The following LIMA1 variants were observed in gnomAD, a reference collection of about 807,000 sequenced individuals.
The protein encoded by LIMA1 is LIM domain and actin binding 1, also known as LIM domain and actin-binding protein 1.
LIMA1 carries 52 observed loss-of-function variants against 62.6 expected under a neutral mutation model. The ratio of observed to expected loss-of-function variants is 0.83; its 90% CI spans 0.67 to 1.05. The LOEUF is 1.05. Ranked by LOEUF, LIMA1 falls within the 50% of genes least tolerant of loss-of-function variation. The pLI, the probability that LIMA1 is intolerant of heterozygous loss-of-function variation, is 0.00. For missense variants in LIMA1, 780 were observed against 902.2 expected (o/e 0.86, Z 1.74); for synonymous variants, 302 against 317.8 (o/e 0.95, Z 0.53).
intron 1 of LIMA1, among the ~76,000 whole-genome samples, chr12:50,268,015 T>A (rs539173527): frequency 2.6e-4 from 40 of 152,332 alleles, no homozygotes; most frequent in African/African-American, 3.4e-4. Context: ...TACTTTTTTT[T>A]AAATTATACA....
chr12:50,214,713 G>A (rs1941314975), intron 4 of LIMA1, among the ~76,000 whole-genome samples: 1 of 152,236 alleles, frequency 6.6e-6, no homozygotes, highest in Non-Finnish European at 1.5e-5. Flanking sequence ...GGCTGAGGGA[G>A]GAGAATCACT....
In LIMA1 at chr12:50,204,588, T is replaced by G. The variant is rs1341412828; in HGVS notation, c.828A>C (p.Ala276=). The part of the protein sequence containing the change: ...SIKDRMAKYQ[A]AVSKQSSSTN... The stretch of plus-strand genomic sequence containing the variant: ...TTGAGCTGCTTTGTTTGGACACAGC[T>G]GCCTGGTACTTGGCCATTCGATCCT... The change falls in exon 6 of 11, where the codon GCA becomes GCC. Residue 276 remains alanine (A), a synonymous_variant. Coordinates refer to ENST00000341247, the MANE Select transcript of LIMA1 (RefSeq NM_016357.5). The G allele has an allele frequency of 1.2e-6, 2 of 1,614,216 alleles. No homozygotes were observed. Among genetic ancestry groups the G allele is most frequent in the South Asian group, 2.2e-5 (2 of 91,082 alleles).
At chr12:50,221,022 G>C (rs1306861310) in intron 4 of LIMA1, among the ~76,000 whole-genome samples, 1 of 152,150 alleles carries the variant, frequency 6.6e-6, no homozygotes, top group Non-Finnish European at 1.5e-5. Flanking sequence ...GGAAGGGATT[G>C]ACAATATCAC....
intron 1 of LIMA1, among the ~76,000 whole-genome samples, chr12:50,263,903 G>GTATATATATATATATATAAAGTATGTA (rs57637973): frequency 7.3e-6 from 1 of 137,094 alleles, no homozygotes; most frequent in Non-Finnish European, 1.5e-5. Context: ...TATAAAGTAT[G>GTATATATATATATATATAAAGTATGTA]TATATATATA....
intron 4 of LIMA1, among the ~76,000 whole-genome samples, chr12:50,213,737 A>C (rs1941296842): frequency 6.6e-6 from 1 of 152,228 alleles, no homozygotes; most frequent in Non-Finnish European, 1.5e-5. Flanking sequence ...CAAAGGTAGT[A>C]ATATTTGTAC....
intron 7 of LIMA1, among the ~76,000 whole-genome samples, chr12:50,200,262 G>A (rs1172691835): frequency 6.6e-6 from 1 of 151,350 alleles, no homozygotes; most frequent in African/African-American, 2.4e-5. Flanking sequence ...AGGCTGGAGT[G>A]CAGTGCACTC....
intron 5 of LIMA1, 83 bp downstream of exon 5, chr12:50,205,901 A>T: frequency 1.1e-6 from 1 of 931,866 alleles, no homozygotes; most frequent in Non-Finnish European, 1.6e-6. Context: ...CTTCCTTTAA[A>T]AGCATTGGCT....
intron 8 of LIMA1, among the ~76,000 whole-genome samples, chr12:50,193,437 A>G (rs935840698): frequency 1.4e-5 from 2 of 145,934 alleles, no homozygotes; most frequent in East Asian, 4.0e-4. Flanking sequence ...CCACATATAT[A>G]TGTTTTTCTT....
chr12:50,210,268 C>CA (rs1190350005), intron 4 of LIMA1, among the ~76,000 whole-genome samples: 7 of 151,682 alleles, frequency 4.6e-5, no homozygotes, highest in Admixed American at 2.0e-4. Flanking sequence ...ACTAAAAATA[C>CA]AAAAATTAGC....
chr12:50,230,329 C>T (rs1478923087), intron 3 of LIMA1, among the ~76,000 whole-genome samples: 1 of 152,188 alleles, frequency 6.6e-6, no homozygotes, highest in Non-Finnish European at 1.5e-5. Context: ...AGCCACCGCG[C>T]CCAGCCATAC....
At position 50,204,683 on chromosome 12, in the gene LIMA1, T is replaced by C. The variant is rs754523997; in HGVS notation, c.733A>G (p.Thr245Ala). The part of the protein sequence containing the change: ...EIGPGQLSSS[T>A]FDSEKNESRR... ...CTCTCATTTTTCTCCGAGTCAAATG[T>C]AGAAGATGACAACTGACCTGGAAGC... The change falls in exon 6 of 11, where the codon ACA (threonine) becomes GCA (alanine). Residue 245 changes from threonine (T) to alanine (A), a missense_variant. Physicochemically the swap from Thr to Ala is moderately conservative, Grantham distance 58 (BLOSUM62 0). Transcript: ENST00000341247. 41 of 1,614,058 alleles carry C rather than the reference T, an allele frequency of 2.5e-5. No individual in the cohort carries two copies. The South Asian group carries it at 4.4e-4, about 17-fold the overall frequency.
intron 7 of LIMA1, among the ~76,000 whole-genome samples, chr12:50,196,221 C>G (rs1940927468): frequency 1.3e-5 from 2 of 152,152 alleles, no homozygotes. Flanking sequence ...AGCCCTCTAT[C>G]AAGGAGAGCA....
chr12:50,235,173 A>G (rs1941673283), intron 2 of LIMA1, among the ~76,000 whole-genome samples: 1 of 151,544 alleles, frequency 6.6e-6, no homozygotes, highest in African/African-American at 2.4e-5. Context: ...AGCTCAAGTG[A>G]TCCTCCTGTC....
intron 3 of LIMA1, chr12:50,222,710 T>A: frequency 6.9e-7 from 1 of 1,447,382 alleles, no homozygotes. Context: ...CAGGAAGTGA[T>A]AAAACAGGAT....
chr12:50,185,697 T>G, intron 9 of LIMA1: 1 of 339,416 alleles, frequency 2.9e-6, no homozygotes, highest in Non-Finnish European at 5.8e-6. Flanking sequence ...AAGGAGTGTC[T>G]CATTAACAAT....
chr12:50,222,943 T>G (rs1941472320), intron 3 of LIMA1, among the ~76,000 whole-genome samples: 1 of 151,894 alleles, frequency 6.6e-6, no homozygotes, highest in Non-Finnish European at 1.5e-5. Context: ...TTCTTTTAAA[T>G]AAGACAAAGA....
Position 50,278,195 on chromosome 12 carries a change from C to T in LIMA1, c.-24+5225G>A, listed in dbSNP as rs148402378. Among the ~76,000 whole-genome samples, 58 of 151,896 alleles carry T rather than the reference C, an allele frequency of 3.8e-4. No individual in the cohort carries two copies. The East Asian group carries it at 0.01, about 27-fold the overall frequency. On this transcript the variant is annotated intron_variant, in intron 1 of 10. Transcript: ENST00000341247. ...CAGCACTTTGGGAGGCCGAGGTGGG[C>T]GGATCACAAGGTCAGGAGATTGAGA...
chr12:50,250,897 A>C (rs1039380061), intron 1 of LIMA1, among the ~76,000 whole-genome samples: 8 of 152,238 alleles, frequency 5.3e-5, no homozygotes, highest in Admixed American at 1.3e-4. Flanking sequence ...AAATAAGATA[A>C]AGAAGAAAAG....
In LIMA1 at chr12:50,200,774, T is replaced by C. The variant is rs193246629; in HGVS notation, c.972+3A>G. 9 of 1,613,442 alleles carry C rather than the reference T, an allele frequency of 5.6e-6. No individual in the cohort carries two copies. Among genetic ancestry groups the C allele is most frequent in the Non-Finnish European group, 7.6e-6 (9 of 1,179,602 alleles). On this transcript the variant is annotated splice_donor_region_variant and intron_variant, in intron 7 of 10. Coordinates refer to ENST00000341247, the MANE Select transcript of LIMA1 (RefSeq NM_016357.5). ...CAACTGGACATCAGACTTTTCAACCTACCTTTTCCCCTTCCTGATGGGTGA... is the reference window on the plus strand; with the variant it reads ...CAACTGGACATCAGACTTTTCAACCCACCTTTTCCCCTTCCTGATGGGTGA...
Sources: gnomAD v4.1 joint callset for allele counts (sites outside exome capture counted in the v4.1 genomes callset) on GRCh38, gnomAD v4.1.1 for gene constraint, MANE v1.5 for transcripts, NCBI Gene and HGNC (gene_info 2026-07-23, HGNC 2026-07-21) for gene names.